The following UNC5D variants were observed in gnomAD, a reference collection of about 807,000 sequenced individuals.
UNC5D encodes netrin receptor UNC5D.
UNC5D carries 39 observed loss-of-function variants against 105.4 expected under a neutral mutation model. The observed-to-expected ratio is 0.37, with a 90% CI of 0.29 to 0.48. The LOEUF (loss-of-function observed/expected upper bound fraction) is 0.48. UNC5D is among the 20% of genes least tolerant of loss of function. UNC5D has a pLI of 0.98. For missense variants in UNC5D, 991 were observed against 1,202.4 expected (o/e 0.82, Z 2.60); for synonymous variants, 452 against 450.4 (o/e 1.00, Z -0.04).
chr8:35,741,227 G>A (rs1829743625), intron 11 of UNC5D, among the ~76,000 whole-genome samples: 1 of 152,146 alleles, frequency 6.6e-6, no homozygotes, highest in African/African-American at 2.4e-5. Flanking sequence ...GTAAACTAAA[G>A]CCGTTTAACA....
rs1803010229 is a variant in UNC5D, at chr8:35,790,904, A to G, written c.*341A>G. ...GGGAAGGCAGAGATTGATTAAGTGC[A>G]TGCTTTGAAATAGGTTTTTAATGAT... On this transcript the variant is annotated 3_prime_UTR_variant, in exon 17 of 17. Coordinates refer to ENST00000404895, the MANE Select transcript of UNC5D (RefSeq NM_080872.4). The G allele has an allele frequency of 3.4e-6, 1 of 292,030 alleles. No homozygotes were observed. The highest frequency in any genetic ancestry group is 6.5e-6 in the Non-Finnish European group (1 of 153,926). The allele number at this position is 292,030 out of a possible 1,614,324, so 18.1% of individuals were successfully genotyped here.
chr8:35,283,028 C>T (rs377177646), intron 1 of UNC5D, among the ~76,000 whole-genome samples: 39 of 152,080 alleles, frequency 2.6e-4, no homozygotes, highest in East Asian at 1.2e-3. Context: ...GTAATAATAC[C>T]GGTTGAAATG....
chr8:35,525,412 G>A, intron 1 of UNC5D: 1 of 1,612,172 alleles, frequency 6.2e-7, no homozygotes, highest in Non-Finnish European at 8.5e-7. Context: ...TGAATGGTCT[G>A]GAAGAGCTGC....
rs138221035 is a variant in UNC5D at position 35,442,857 on chromosome 8, A to ATCTCTC, written c.104-106415_104-106410dup. ...AAATTAAAACTCTATTTCTTACACC[A>ATCTCTC]TCTCTCTCTCTCTCTCTCTCTCTCT... is the stretch of plus-strand genomic sequence containing the variant. On this transcript the variant is annotated intron_variant, in intron 1 of 16. Coordinates refer to ENST00000404895, the MANE Select transcript of UNC5D (RefSeq NM_080872.4). 1.3e-3 allele frequency among the ~76,000 whole-genome samples: 134 copies of ATCTCTC among 106,952 alleles called. 1 individual carries two copies. Among genetic ancestry groups the ATCTCTC allele is most frequent in the African/African-American group, 4.3e-3 (129 of 30,324 alleles). The allele number at this position is 106,952 out of a possible 152,430, so 70.2% of individuals were successfully genotyped here. A position where few individuals can be genotyped will look rare whatever the true frequency, so the allele number is the denominator to read the frequency against.
intron 1 of UNC5D, among the ~76,000 whole-genome samples, chr8:35,459,746 A>G (rs569586923): frequency 6.6e-6 from 1 of 152,318 alleles, no homozygotes; most frequent in Admixed American, 6.5e-5. Context: ...GTATTGTCAA[A>G]TGGGAAAGCA....
chr8:35,584,763 C>T (rs1360091049), intron 3 of UNC5D, among the ~76,000 whole-genome samples: 1 of 152,054 alleles, frequency 6.6e-6, no homozygotes, highest in African/African-American at 2.4e-5. Context: ...AACTGGATCT[C>T]TTTATCTCCT....
chr8:35,328,287 A>G (rs1810330047), intron 1 of UNC5D, among the ~76,000 whole-genome samples: 1 of 152,050 alleles, frequency 6.6e-6, no homozygotes, highest in African/African-American at 2.4e-5. Context: ...CCCTTCAAAA[A>G]CTCACAGTTG....
At chr8:35,685,081 C>T (rs1210244138) in intron 6 of UNC5D, among the ~76,000 whole-genome samples, 2 of 152,266 alleles carry the variant, frequency 1.3e-5, no homozygotes, top group South Asian at 2.1e-4. Flanking sequence ...CATCTTGTGG[C>T]CTTTATTTGT....
rs1586656258 is a variant in UNC5D, at chr8:35,792,804, C to T, written c.*2241C>T. ...ATGGGCATTATAATTGTTTCATCTA[C>T]TCTGTGAATCTACATAGGTCTTTTT... is the stretch of plus-strand genomic sequence containing the variant. On this transcript the variant is annotated 3_prime_UTR_variant, in exon 17 of 17. Transcript: ENST00000404895. 1 of 319,750 alleles carries T rather than the reference C, an allele frequency of 3.1e-6. No individual in the cohort carries two copies. Among genetic ancestry groups the T allele is most frequent in the East Asian group, 8.9e-5 (1 of 11,236 alleles). The allele number at this position is 319,750 out of a possible 1,614,324, so 19.8% of individuals were successfully genotyped here. A position where few individuals can be genotyped will look rare whatever the true frequency, so the allele number is the denominator to read the frequency against.
At chr8:35,298,460 G>A (rs1291626097) in intron 1 of UNC5D, among the ~76,000 whole-genome samples, 1 of 152,092 alleles carries the variant, frequency 6.6e-6, no homozygotes, top group African/African-American at 2.4e-5. Flanking sequence ...TGGGGGATGG[G>A]CAAGGCTCCT....
chr8:35,707,295 C>G (rs531592031), intron 8 of UNC5D, among the ~76,000 whole-genome samples: 1 of 152,112 alleles, frequency 6.6e-6, no homozygotes, highest in African/African-American at 2.4e-5. Flanking sequence ...TCATTACTTG[C>G]AAAGTCTAAG....
At chr8:35,323,472 C>T (rs1022537386) in intron 1 of UNC5D, among the ~76,000 whole-genome samples, 6 of 151,952 alleles carry the variant, frequency 3.9e-5, no homozygotes, top group Non-Finnish European at 7.4e-5. Context: ...TTTAGTCTGC[C>T]CTTCACCATT....
In UNC5D at chr8:35,313,705, C is replaced by T. The variant is rs1196397856; in HGVS notation, c.103+77818C>T. 5.3e-5 allele frequency among the ~76,000 whole-genome samples: 8 copies of T among 152,278 alleles called. 1 individual carries two copies. The highest frequency in any genetic ancestry group is 2.6e-4 in the Admixed American group (4 of 15,294). The stretch of plus-strand genomic sequence containing the variant: ...CCAGGTGCAAATCCTGGCTCTGCCA[C>T]ATGGGAGCTATGTGGTGTTGGTAAG... On this transcript the variant is annotated intron_variant, in intron 1 of 16. Transcript: ENST00000404895.
chr8:35,259,761 T>C (rs1804321964), intron 1 of UNC5D, among the ~76,000 whole-genome samples: 1 of 151,874 alleles, frequency 6.6e-6, no homozygotes, highest in African/African-American at 2.4e-5. Context: ...TTTTTTTTTT[T>C]TAAATGCTGT....
chr8:35,306,634 A>T (rs983583525), intron 1 of UNC5D, among the ~76,000 whole-genome samples: 1 of 152,180 alleles, frequency 6.6e-6, no homozygotes, highest in Non-Finnish European at 1.5e-5. Context: ...TAGCTATTTC[A>T]GGAAGGTGAT....
chr8:35,661,428 T>C (rs767781198), intron 4 of UNC5D, among the ~76,000 whole-genome samples: 9 of 152,092 alleles, frequency 5.9e-5, no homozygotes, highest in Non-Finnish European at 1.3e-4. Context: ...TGAGAGAGAG[T>C]TTGTGGGGCA....
chr8:35,353,511 T>C (rs2128911823), intron 1 of UNC5D, among the ~76,000 whole-genome samples: 1 of 152,320 alleles, frequency 6.6e-6, no homozygotes, highest in Non-Finnish European at 1.5e-5. Context: ...TGAACCCACA[T>C]ATTCTTTGAT....
chr8:35,714,367 G>A (rs1225879553), intron 8 of UNC5D, among the ~76,000 whole-genome samples: 1 of 152,218 alleles, frequency 6.6e-6, no homozygotes, highest in Non-Finnish European at 1.5e-5. Context: ...GTTTTGCCCA[G>A]CGAGCAGGAA....
At chr8:35,332,982 A>G (rs961698203) in intron 1 of UNC5D, among the ~76,000 whole-genome samples, 1 of 152,190 alleles carries the variant, frequency 6.6e-6, no homozygotes, top group Non-Finnish European at 1.5e-5. Context: ...GGGGAAGAAC[A>G]TGTCTCAGAT....
Sources: allele counts gnomAD v4.1 joint callset (sites outside exome capture counted in the v4.1 genomes callset), GRCh38; gene constraint gnomAD v4.1.1; transcripts MANE v1.5; gene names NCBI Gene and HGNC (gene_info 2026-07-23, HGNC 2026-07-21).